NAV3: variants seen among roughly 807,000 people sequenced by gnomAD.
The protein encoded by NAV3 is neuron navigator 3.
NAV3 carries 87 observed loss-of-function variants against 244.7 expected under a neutral mutation model. The ratio of observed to expected loss-of-function variants is 0.36; its 90% CI spans 0.30 to 0.42. The LOEUF is 0.42. Ranked by LOEUF, NAV3 falls within the 20% of genes least tolerant of loss-of-function variation. NAV3 has a pLI of 1.00. For synonymous variants in NAV3, 1,126 were observed against 1,042.2 expected, an observed-to-expected ratio of 1.08 and a Z score of -1.55; for missense variants, 2,663 against 2,893.3, an observed-to-expected ratio of 0.92 and a Z score of 1.83.
At chr12:77,583,801 C>T (rs930676801) in intron 2 of NAV3, among the ~76,000 whole-genome samples, 1 of 152,168 alleles carries the variant, frequency 6.6e-6, no homozygotes, top group African/African-American at 2.4e-5. Context: ...TAACATGGCC[C>T]ATGGGACCCG....
intron 9 of NAV3, among the ~76,000 whole-genome samples, chr12:78,025,617 A>G (rs1355561070): frequency 2.1e-5 from 3 of 145,270 alleles, no homozygotes; most frequent in Non-Finnish European, 1.5e-5. Flanking sequence ...AAAAAAAAAA[A>G]AAAAAAGAAA....
intron 2 of NAV3, among the ~76,000 whole-genome samples, chr12:77,622,627 T>A (rs532569365): frequency 3.2e-4 from 48 of 151,176 alleles, no homozygotes; most frequent in Non-Finnish European, 6.0e-4. Context: ...CTTAAGCTAG[T>A]TGTACTTGCT....
At chr12:77,707,992 C>T (rs1450123706) in intron 2 of NAV3, among the ~76,000 whole-genome samples, 1 of 151,362 alleles carries the variant, frequency 6.6e-6, no homozygotes, top group Non-Finnish European at 1.5e-5. Context: ...CAAAAATTTT[C>T]TCCCATTCTG....
chr12:78,039,671 C>T (rs1443899241), intron 9 of NAV3, among the ~76,000 whole-genome samples: 1 of 152,014 alleles, frequency 6.6e-6, no homozygotes, highest in East Asian at 1.9e-4. Context: ...GTGTTAATTA[C>T]AATGTGTATA....
At chr12:77,889,653 A>T (rs1245453159) in intron 1 of NAV3, among the ~76,000 whole-genome samples, 1 of 152,194 alleles carries the variant, frequency 6.6e-6, no homozygotes. Flanking sequence ...TATCATTCAT[A>T]TTCATGACTT....
intron 2 of NAV3, among the ~76,000 whole-genome samples, chr12:77,804,464 G>A (rs1032810415): frequency 7.2e-5 from 11 of 152,000 alleles, no homozygotes; most frequent in East Asian, 1.9e-4. Flanking sequence ...CAGGTTTATC[G>A]AAGATCAGAT....
intron 5 of NAV3, among the ~76,000 whole-genome samples, chr12:77,986,241 A>C (rs1469927190): frequency 6.6e-6 from 1 of 152,100 alleles, no homozygotes; most frequent in African/African-American, 2.4e-5. Flanking sequence ...ACGCACCCGT[A>C]ATCTAAGCTA....
chr12:77,947,368 AT>A (rs937468001), intron 3 of NAV3: 1 of 145,214 alleles, frequency 6.9e-6, no homozygotes, highest in Non-Finnish European at 1.5e-5. Flanking sequence ...TTAAAGTTTT[AT>A]TTTTTTCAGC....
intron 12 of NAV3, among the ~76,000 whole-genome samples, chr12:78,078,575 T>C (rs902745135): frequency 1.1e-4 from 16 of 151,646 alleles, no homozygotes; most frequent in African/African-American, 3.9e-4. Flanking sequence ...TTTTGTATTT[T>C]TAGTAGAGAC....
chr12:77,831,167 GAC>G lies in NAV3; in HGVS notation c.-293_-292del, dbSNP rs1197598015. On this transcript the variant is annotated 5_prime_UTR_variant, in exon 1 of 40. Coordinates refer to ENST00000397909, the MANE Select transcript of NAV3 (RefSeq NM_001024383.2). ...GTCACTGAACAGAGAGAGAGAGAGA[GAC>G]AGAGAGAGAGAGAGAGAGAGAGAGA... is the stretch of plus-strand genomic sequence containing the variant. 1.2e-3 allele frequency: 164 copies of G among 138,314 alleles called. No individual in the cohort carries two copies. Among genetic ancestry groups the G allele is most frequent in the Middle Eastern group, 8.1e-3 (3 of 372 alleles). 8.6% of individuals were successfully genotyped at this position (138,314 alleles called of 1,614,324 possible).
Position 78,210,251 on chromosome 12 carries a change from G to A in NAV3, c.7039-147G>A, listed in dbSNP as rs1056777370. The A allele has an allele frequency of 3.9e-5, 48 of 1,244,518 alleles. No individual in the cohort carries two copies. In the African/African-American group the frequency reaches 7.1e-4, roughly 18 times the overall value. 77.1% of individuals were successfully genotyped at this position (1,244,518 alleles called of 1,614,324 possible). On this transcript the variant is annotated intron_variant, in intron 39 of 39. Coordinates refer to ENST00000397909, the MANE Select transcript of NAV3 (RefSeq NM_001024383.2). ...TTGGGAGAAACAGCATAGGAGCCAG[G>A]GGCAACGAGTAAAAATCTAAAATTA...
At chr12:78,073,871 C>T (rs1222942634) in intron 12 of NAV3, among the ~76,000 whole-genome samples, 3 of 152,048 alleles carry the variant, frequency 2.0e-5, no homozygotes, top group Non-Finnish European at 2.9e-5. Context: ...GAACAGAGCC[C>T]TCAGAAATAA....
At chr12:77,907,506 G>T (rs1025865543) in intron 1 of NAV3, among the ~76,000 whole-genome samples, 2 of 151,956 alleles carry the variant, frequency 1.3e-5, no homozygotes, top group Admixed American at 1.3e-4. Flanking sequence ...TTAGTAACAG[G>T]TATCACTAGC....
rs1960828257 is a variant in NAV3, at chr12:78,210,855, C to T, written c.*338C>T. On this transcript the variant is annotated 3_prime_UTR_variant, in exon 40 of 40. Coordinates refer to ENST00000397909, the MANE Select transcript of NAV3 (RefSeq NM_001024383.2). ...TCTTTGTTTCCTCTTTAAAAGTTTA[C>T]AATGCAGACCATTTTTTGTCCCTTC... 1 of 250,014 alleles carries T rather than the reference C, an allele frequency of 4.0e-6. No homozygotes were observed. The highest frequency in any genetic ancestry group is 7.7e-6 in the Non-Finnish European group (1 of 129,378). The allele number at this position is 250,014 out of a possible 1,614,324, so 15.5% of individuals were successfully genotyped here.
At chr12:77,926,515 T>G (rs1888240729) in intron 1 of NAV3, among the ~76,000 whole-genome samples, 1 of 152,242 alleles carries the variant, frequency 6.6e-6, no homozygotes, top group Non-Finnish European at 1.5e-5. Flanking sequence ...GATATAGATA[T>G]GCCATGGCTG....
chr12:77,879,281 C>T (rs1198640010), intron 1 of NAV3, among the ~76,000 whole-genome samples: 2 of 152,126 alleles, frequency 1.3e-5, no homozygotes, highest in African/African-American at 2.4e-5. Context: ...ACTCTTTACA[C>T]ACTACAAGAT....
At chr12:78,135,106 T>C (rs935371307) in intron 18 of NAV3, among the ~76,000 whole-genome samples, 3 of 152,208 alleles carry the variant, frequency 2.0e-5, no homozygotes, top group Non-Finnish European at 4.4e-5. Context: ...CTAGAAGCTC[T>C]TTACCAATTT....
At chr12:77,611,368 AAAAG>A (rs1238926538) in intron 2 of NAV3, among the ~76,000 whole-genome samples, 2 of 152,032 alleles carry the variant, frequency 1.3e-5, no homozygotes, top group African/African-American at 4.8e-5. Flanking sequence ...TTTCTGGAAA[AAAAG>A]AAATTATAAT....
intron 4 of NAV3, 41 bp from the exon 5 acceptor site, chr12:77,968,478 A>C: frequency 6.7e-7 from 1 of 1,499,122 alleles, no homozygotes; most frequent in Non-Finnish European, 9.3e-7. Context: ...AAGGACATTA[A>C]ATACATATGA....
Sources: allele counts gnomAD v4.1 joint callset (sites outside exome capture counted in the v4.1 genomes callset), GRCh38; gene constraint gnomAD v4.1.1; transcripts MANE v1.5; gene names NCBI Gene and HGNC (gene_info 2026-07-23, HGNC 2026-07-21).